The following PRKCA variants were observed in gnomAD, a reference collection of about 807,000 sequenced individuals.
PRKCA encodes the protein protein kinase C alpha type.
Under a neutral mutation model 87.0 loss-of-function variants are expected in PRKCA, and 27 were observed. The ratio of observed to expected loss-of-function variants is 0.31; its 90% confidence interval spans 0.23 to 0.43. The LOEUF (loss-of-function observed/expected upper bound fraction) is 0.43. PRKCA is among the 20% of genes least tolerant of loss of function. The pLI is 1.00. For missense variants in PRKCA, 518 were observed against 852.3 expected (o/e 0.61, Z 4.88); for synonymous variants, 329 against 311.1 (o/e 1.06, Z -0.61).
intron 2 of PRKCA, among the ~76,000 whole-genome samples, chr17:66,368,181 T>G (rs1407418513): frequency 6.6e-6 from 1 of 151,872 alleles, no homozygotes; most frequent in Non-Finnish European, 1.5e-5. Context: ...TTCTGTGCAT[T>G]TTAAGTTAAA....
chr17:66,319,828 G>A (rs971816730), intron 2 of PRKCA, among the ~76,000 whole-genome samples: 9 of 151,794 alleles, frequency 5.9e-5, no homozygotes, highest in Non-Finnish European at 7.4e-5. Context: ...TGTAACCTCC[G>A]CCTACTGGGT....
At chr17:66,593,068 G>A (rs896786317) in intron 3 of PRKCA, among the ~76,000 whole-genome samples, 3 of 152,308 alleles carry the variant, frequency 2.0e-5, no homozygotes, top group Middle Eastern at 3.4e-3. Context: ...GGGATTATAG[G>A]CATGAGCCAC....
intron 16 of PRKCA, among the ~76,000 whole-genome samples, chr17:66,801,126 C>G (rs1049464943): frequency 6.6e-6 from 1 of 152,238 alleles, no homozygotes; most frequent in African/African-American, 2.4e-5. Flanking sequence ...ATTCTCCGCT[C>G]TCACATACGG....
At chr17:66,663,743 G>T (rs903235882) in intron 5 of PRKCA, among the ~76,000 whole-genome samples, 8 of 152,168 alleles carry the variant, frequency 5.3e-5, no homozygotes, top group African/African-American at 1.9e-4. Flanking sequence ...TGCCAGGCAG[G>T]ACTGAATAGT....
intron 2 of PRKCA, among the ~76,000 whole-genome samples, chr17:66,487,127 C>T (rs948977196): frequency 6.6e-6 from 1 of 152,158 alleles, no homozygotes; most frequent in Non-Finnish European, 1.5e-5. Context: ...ATTACTAGAA[C>T]TTATTCCTTC....
At position 66,639,977 on chromosome 17, in the gene PRKCA, A is replaced by C. The variant is rs180814455; in HGVS notation, c.289-1378A>C. 3.3e-5 allele frequency among the ~76,000 whole-genome samples: 5 copies of C among 152,158 alleles called. No homozygotes were observed. The East Asian group carries it at 7.8e-4, about 24-fold the overall frequency. On this transcript the variant is annotated intron_variant, in intron 3 of 16. Transcript: ENST00000413366. ...GCCACTGCACTCCAGCTTGGGTGACAGAGTGAGACTCTGTCTCAAAAAATA... is the reference window on the plus strand; with the variant it reads ...GCCACTGCACTCCAGCTTGGGTGACCGAGTGAGACTCTGTCTCAAAAAATA...
intron 2 of PRKCA, among the ~76,000 whole-genome samples, chr17:66,344,047 A>AG (rs1907207897): frequency 6.6e-6 from 1 of 152,050 alleles, no homozygotes; most frequent in Non-Finnish European, 1.5e-5. Context: ...TAGGCTTTCC[A>AG]GGGGGGCCTT....
chr17:66,790,991 G>GTTT (rs11358340), intron 16 of PRKCA, among the ~76,000 whole-genome samples: 28 of 143,040 alleles, frequency 2.0e-4, no homozygotes, highest in Non-Finnish European at 4.0e-4. Context: ...CTGTTTGCTG[G>GTTT]TTTTTTTTTT....
intron 8 of PRKCA, among the ~76,000 whole-genome samples, chr17:66,692,742 T>C (rs1972817842): frequency 6.6e-6 from 1 of 152,212 alleles, no homozygotes; most frequent in South Asian, 2.1e-4. Context: ...TAACTTGCTT[T>C]CCATCACATT....
At chr17:66,362,846 C>T (rs750445553) in intron 2 of PRKCA, among the ~76,000 whole-genome samples, 12 of 152,066 alleles carry the variant, frequency 7.9e-5, no homozygotes, top group Non-Finnish European at 1.2e-4. Flanking sequence ...AGGCATGTGC[C>T]GCCATGCCAG....
intron 3 of PRKCA, among the ~76,000 whole-genome samples, chr17:66,505,382 G>GA (rs1299960839): frequency 2.6e-5 from 4 of 152,084 alleles, no homozygotes; most frequent in Non-Finnish European, 4.4e-5. Context: ...GATTAGCTGG[G>GA]AAAAAATGCG....
At chr17:66,392,675 G>A (rs942160325) in intron 2 of PRKCA, among the ~76,000 whole-genome samples, 2 of 152,140 alleles carry the variant, frequency 1.3e-5, no homozygotes, top group African/African-American at 4.8e-5. Flanking sequence ...CTTGCTGTGC[G>A]AAATGCTGGT....
chr17:66,676,425 A>T (rs1972334157), intron 5 of PRKCA: 1 of 152,354 alleles, frequency 6.6e-6, no homozygotes, highest in Non-Finnish European at 1.5e-5. Context: ...AGCTAGAATA[A>T]CGAGGAAGCA....
intron 2 of PRKCA, among the ~76,000 whole-genome samples, chr17:66,381,143 T>A (rs1175801119): frequency 6.6e-6 from 1 of 152,014 alleles, no homozygotes; most frequent in African/African-American, 2.4e-5. Flanking sequence ...GGTCTCGCTA[T>A]GTTGGCTGGG....
chr17:66,326,832 A>G (rs1254240790), intron 2 of PRKCA, among the ~76,000 whole-genome samples: 1 of 152,200 alleles, frequency 6.6e-6, no homozygotes, highest in Non-Finnish European at 1.5e-5. Flanking sequence ...AATTCTTGAT[A>G]ATCTAAAGTT....
chr17:66,396,907 T>A (rs1252533253), intron 2 of PRKCA, among the ~76,000 whole-genome samples: 2 of 151,602 alleles, frequency 1.3e-5, no homozygotes, highest in African/African-American at 2.4e-5. Flanking sequence ...GAATATCTAA[T>A]TATTGCAGTA....
intron 2 of PRKCA, among the ~76,000 whole-genome samples, chr17:66,335,423 C>CT (rs1906601437): frequency 6.6e-6 from 1 of 152,056 alleles, no homozygotes; most frequent in African/African-American, 2.4e-5. Flanking sequence ...GTGAGAGCCT[C>CT]TACACATAGT....
chr17:66,642,073 T>C (rs190885461), intron 4 of PRKCA, among the ~76,000 whole-genome samples: 1 of 152,208 alleles, frequency 6.6e-6, no homozygotes, highest in Admixed American at 6.5e-5. Context: ...TTGTTACGTG[T>C]GTATCTCCAT....
chr17:66,575,778 A>G (rs1289440321), intron 3 of PRKCA, among the ~76,000 whole-genome samples: 1 of 151,550 alleles, frequency 6.6e-6, no homozygotes, highest in African/African-American at 2.4e-5. Flanking sequence ...GTAAACCAGC[A>G]TTCCATGTTA....
Sources: gnomAD v4.1 joint callset for allele counts (sites outside exome capture counted in the v4.1 genomes callset) on GRCh38, gnomAD v4.1.1 for gene constraint, MANE v1.5 for transcripts, NCBI Gene and HGNC (gene_info 2026-07-23, HGNC 2026-07-21) for gene names.